The following PRKG1 variants were observed in gnomAD, a reference collection of about 807,000 sequenced individuals.
The protein encoded by PRKG1 is protein kinase cGMP-dependent 1.
PRKG1 carries 35 observed loss-of-function variants against 88.1 expected under a neutral mutation model. The observed-to-expected ratio is 0.40, with a 90% CI of 0.30 to 0.53. The LOEUF is 0.53. Among genes scored for constraint, PRKG1 ranks in the 20% least tolerant of loss-of-function variants. PRKG1 has a pLI of 0.59. For missense variants in PRKG1, 540 were observed against 839.8 expected, an observed-to-expected ratio of 0.64 and a Z score of 4.41; for synonymous variants, 303 against 292.5, an observed-to-expected ratio of 1.04 and a Z score of -0.37.
At chr10:51,700,031 T>C (rs1564613008) in intron 3 of PRKG1, among the ~76,000 whole-genome samples, 1 of 152,254 alleles carries the variant, frequency 6.6e-6, no homozygotes, top group Non-Finnish European at 1.5e-5. Flanking sequence ...TGGCCTTTTA[T>C]TATAGTATAG....
At chr10:52,126,734 A>C (rs1564480413) in intron 7 of PRKG1, among the ~76,000 whole-genome samples, 1 of 152,180 alleles carries the variant, frequency 6.6e-6, no homozygotes, top group African/African-American at 2.4e-5. Flanking sequence ...ATGAACTGAA[A>C]TAGAAGGTTC....
In PRKG1 at chr10:51,931,650, T is replaced by C. The variant is rs142029144; in HGVS notation, c.762+24080T>C. On this transcript the variant is annotated intron_variant, in intron 5 of 17. Coordinates refer to ENST00000373980, the MANE Select transcript of PRKG1 (RefSeq NM_006258.4). ...TCATGTGGGTAATACACCATTCTTA[T>C]AGGAAAGGAAAAACTCTCAGTTGTA... 4.8e-3 allele frequency among the ~76,000 whole-genome samples: 724 copies of C among 152,202 alleles called. 5 individuals carry two copies. The highest frequency in any genetic ancestry group is 4.9e-3 in the Non-Finnish European group (331 of 68,004).
chr10:51,516,560 C>A (rs1841592479), intron 3 of PRKG1, among the ~76,000 whole-genome samples: 1 of 152,120 alleles, frequency 6.6e-6, no homozygotes, highest in African/African-American at 2.4e-5. Flanking sequence ...CTGCTTTCTG[C>A]CTAGAATTTC....
intron 2 of PRKG1, among the ~76,000 whole-genome samples, chr10:51,441,627 G>T (rs1839109370): frequency 6.6e-6 from 1 of 151,930 alleles, no homozygotes; most frequent in Admixed American, 6.6e-5. Context: ...TGAGAACGGA[G>T]ACCTGAGTTT....
At chr10:51,331,114 G>C (rs1162496928) in intron 2 of PRKG1, among the ~76,000 whole-genome samples, 1 of 152,146 alleles carries the variant, frequency 6.6e-6, no homozygotes. Context: ...TGGTGCTGGG[G>C]TGGCAGAAGC....
Position 52,272,413 on chromosome 10 carries a change from C to T in PRKG1, c.1335C>T (p.Asp445=). The part of the protein sequence containing the change: ...FIVRLYRTFK[D]SKYLYMLMEA... ...ACAGACTGTACAGAACATTTAAGGA[C>T]AGCAAATATTTGTATATGTTGATGG... The change falls in exon 12 of 18, where the codon GAC becomes GAT. Residue 445 remains aspartate, a synonymous_variant. Coordinates refer to ENST00000373980, the MANE Select transcript of PRKG1 (RefSeq NM_006258.4). The T allele has an allele frequency of 6.2e-7, 1 of 1,608,770 alleles. No individual in the cohort carries two copies. Among genetic ancestry groups the T allele is most frequent in the Non-Finnish European group, 8.5e-7 (1 of 1,176,102 alleles).
chr10:51,890,682 G>A lies in PRKG1; in HGVS notation c.699-16825G>A, dbSNP rs150281229. ...TTCATATTAAGAATTATGGCCAGGC[G>A]CAGTGGCTCACGCCTGTAATCCTGT... On this transcript the variant is annotated intron_variant, in intron 4 of 17. Coordinates refer to ENST00000373980, the MANE Select transcript of PRKG1 (RefSeq NM_006258.4). 1.7e-3 allele frequency among the ~76,000 whole-genome samples: 265 copies of A among 152,288 alleles called. 3 individuals carry two copies. Among genetic ancestry groups the A allele is most frequent in the African/African-American group, 5.9e-3 (246 of 41,550 alleles).
chr10:51,042,912 T>C (rs1476932570), intron 1 of PRKG1, among the ~76,000 whole-genome samples: 1 of 152,058 alleles, frequency 6.6e-6, no homozygotes, highest in Non-Finnish European at 1.5e-5. Flanking sequence ...GAAGGTGCAA[T>C]GAAAAGATGG....
chr10:51,144,361 A>T (rs1845890070), intron 1 of PRKG1, among the ~76,000 whole-genome samples: 1 of 152,118 alleles, frequency 6.6e-6, no homozygotes, highest in Admixed American at 6.6e-5. Context: ...ACTATTGTGC[A>T]ACATTGGACA....
intron 2 of PRKG1, among the ~76,000 whole-genome samples, chr10:51,332,290 A>G (rs1841760996): frequency 6.6e-6 from 1 of 152,196 alleles, no homozygotes; most frequent in Non-Finnish European, 1.5e-5. Context: ...GTTCCATGTC[A>G]GAAAGTGCAT....
intron 1 of PRKG1, among the ~76,000 whole-genome samples, chr10:51,010,271 C>T (rs1340619653): frequency 2.6e-5 from 4 of 152,178 alleles, no homozygotes; most frequent in African/African-American, 4.8e-5. Context: ...TTGGGTGAGG[C>T]CATTAATGGC....
intron 3 of PRKG1, among the ~76,000 whole-genome samples, chr10:51,674,261 C>A (rs947223862): frequency 1.3e-5 from 2 of 151,786 alleles, no homozygotes; most frequent in Admixed American, 6.6e-5. Context: ...TGGTGGTTTG[C>A]CCCCATCATG....
chr10:51,268,009 A>G (rs1422970708), intron 2 of PRKG1, among the ~76,000 whole-genome samples: 3 of 152,190 alleles, frequency 2.0e-5, no homozygotes, highest in African/African-American at 7.2e-5. Context: ...GAACAGTCTG[A>G]GAAATAAAGG....
intron 1 of PRKG1, among the ~76,000 whole-genome samples, chr10:51,122,800 C>T (rs963660491): frequency 7.9e-5 from 12 of 152,188 alleles, no homozygotes; most frequent in Admixed American, 2.6e-4. Flanking sequence ...TACTTCAGAT[C>T]GTGTCACTGT....
chr10:51,677,656 T>A (rs1290225756), intron 3 of PRKG1, among the ~76,000 whole-genome samples: 1 of 152,208 alleles, frequency 6.6e-6, no homozygotes, highest in African/African-American at 2.4e-5. Context: ...TCTCCCAGCT[T>A]CTAGCTATGA....
intron 1 of PRKG1, among the ~76,000 whole-genome samples, chr10:50,994,083 G>A (rs1330264308): frequency 6.6e-6 from 1 of 152,162 alleles, no homozygotes; most frequent in Non-Finnish European, 1.5e-5. Context: ...TTCCCACTCA[G>A]CGTTTAGTTT....
chr10:52,192,791 G>C (rs1251245048), intron 9 of PRKG1, among the ~76,000 whole-genome samples: 4 of 152,040 alleles, frequency 2.6e-5, no homozygotes, highest in Non-Finnish European at 4.4e-5. Context: ...GTTTGCATTA[G>C]AAATTCCTTT....
chr10:51,891,011 C>A (rs946528431), intron 4 of PRKG1, among the ~76,000 whole-genome samples: 2 of 152,054 alleles, frequency 1.3e-5, no homozygotes, highest in Non-Finnish European at 2.9e-5. Context: ...CCTGTAATCC[C>A]AGCATTTTGG....
chr10:51,702,754 T>C (rs1186583263), intron 3 of PRKG1, among the ~76,000 whole-genome samples: 1 of 152,112 alleles, frequency 6.6e-6, no homozygotes, highest in Non-Finnish European at 1.5e-5. Flanking sequence ...TGGAGTGCGA[T>C]GGCGTGATCT....
Sources: allele counts gnomAD v4.1 joint callset (sites outside exome capture counted in the v4.1 genomes callset), GRCh38; gene constraint gnomAD v4.1.1; transcripts MANE v1.5; gene names NCBI Gene and HGNC (gene_info 2026-07-23, HGNC 2026-07-21).